The following FAAH2 variants were observed in gnomAD, a reference collection of about 807,000 sequenced individuals.
FAAH2 encodes the protein fatty-acid amide hydrolase 2.
A neutral mutation model predicts 36.9 loss-of-function variants in FAAH2; 60 were observed. The ratio of observed to expected loss-of-function variants is 1.63; its 90% CI spans 1.32 to 2.02. The LOEUF (loss-of-function observed/expected upper bound fraction) is 2.02. Among genes scored for constraint, FAAH2 ranks in the 30% most tolerant of loss-of-function variants. FAAH2 has a pLI of 0.00. For synonymous variants in FAAH2, 214 were observed against 143.8 expected, an observed-to-expected ratio of 1.49 and a Z score of -3.49; for missense variants, 689 against 397.5, an observed-to-expected ratio of 1.73 and a Z score of -6.23.
chrX:57,484,828 C>G (rs760439754), intron 10 of FAAH2, among the ~76,000 whole-genome samples: 5 of 110,913 alleles, frequency 4.5e-5, no homozygotes, highest in African/African-American at 6.6e-5. Flanking sequence ...CTCCAGGCCC[C>G]TAGATGGCCA....
the FAAH2 span, among the ~76,000 whole-genome samples, chrX:57,255,800 C>T: frequency 9.0e-6 from 1 of 111,649 alleles, no homozygotes; most frequent in Non-Finnish European, 1.9e-5. Context: ...CAATATATGA[C>T]AAACCCACAA....
At chrX:57,460,144 A>G (rs1313881597) in intron 10 of FAAH2, among the ~76,000 whole-genome samples, 1 of 111,971 alleles carries the variant, frequency 8.9e-6, no homozygotes, top group African/African-American at 3.3e-5. Flanking sequence ...GCCTTCAAGA[A>G]ATATGGGACT....
chrX:57,305,220 T>C (rs774861522), intron 2 of FAAH2, among the ~76,000 whole-genome samples: 7 of 110,816 alleles, frequency 6.3e-5, no homozygotes, highest in Non-Finnish European at 1.3e-4. Flanking sequence ...TTCCCATATA[T>C]GTATATCTAC....
rs145457864 is a variant in FAAH2 at position 57,295,448 on chromosome X, C to T, written c.275+2868C>T. On this transcript the variant is annotated intron_variant, in intron 2 of 10. Transcript: ENST00000374900. ...CAAAGGAAAGTTTAGTTTTCTGAGT[C>T]CCATCAGAAAGTGGCATATAGAGGG... Among the ~76,000 whole-genome samples, 466 of 112,060 alleles carry T rather than the reference C, an allele frequency of 4.2e-3. 3 individuals carry two copies. The highest frequency in any genetic ancestry group is 0.014 in the African/African-American group (447 of 30,893).
the FAAH2 span, among the ~76,000 whole-genome samples, chrX:57,259,389 G>T: frequency 9.0e-6 from 1 of 111,472 alleles, no homozygotes; most frequent in African/African-American, 3.3e-5. Context: ...AAGAAAATGG[G>T]GTGTTTGTAT....
intron 8 of FAAH2, among the ~76,000 whole-genome samples, chrX:57,432,932 C>T (rs2056334777): frequency 9.3e-6 from 1 of 107,728 alleles, no homozygotes; most frequent in Admixed American, 9.9e-5. Flanking sequence ...TACAATAGCC[C>T]TTCCATAAGG....
chrX:57,442,642 T>C (rs1197297863), intron 8 of FAAH2, among the ~76,000 whole-genome samples: 1 of 112,140 alleles, frequency 8.9e-6, no homozygotes, highest in Non-Finnish European at 1.9e-5. Context: ...GTCAATTTGA[T>C]TCTGTCATTA....
At chrX:57,433,270 G>A (rs898874149) in intron 8 of FAAH2, among the ~76,000 whole-genome samples, 2 of 111,022 alleles carry the variant, frequency 1.8e-5, no homozygotes, top group African/African-American at 6.5e-5. Context: ...AAAAGAGGGG[G>A]GAAAAATCTG....
chrX:57,159,428 G>A, the FAAH2 span, among the ~76,000 whole-genome samples: 2 of 111,296 alleles, frequency 1.8e-5, no homozygotes, highest in South Asian at 7.7e-4. Flanking sequence ...AATTACCTTG[G>A]GCATTATGGC....
chrX:57,461,555 G>A (rs1234009188), intron 10 of FAAH2, among the ~76,000 whole-genome samples: 1 of 110,989 alleles, frequency 9.0e-6, no homozygotes, highest in Non-Finnish European at 1.9e-5. Flanking sequence ...ATGACTACTG[G>A]GTAAATAACA....
chrX:57,339,414 G>A (rs1418832325), intron 4 of FAAH2, among the ~76,000 whole-genome samples: 3 of 111,980 alleles, frequency 2.7e-5, no homozygotes, highest in African/African-American at 9.7e-5. Flanking sequence ...ATTGACCAAT[G>A]GAATCTAGTT....
the FAAH2 span, among the ~76,000 whole-genome samples, chrX:57,259,296 G>A: frequency 2.1e-4 from 23 of 111,698 alleles, no homozygotes; most frequent in African/African-American, 5.8e-4. Flanking sequence ...AGAGATATAG[G>A]CATTCCCATG....
Position 57,448,700 on chromosome X carries a change from T to C in FAAH2, c.1405T>C (p.Phe469Leu), listed in dbSNP as rs201612478. 2 of 1,208,689 alleles carry C rather than the reference T, an allele frequency of 1.7e-6. No homozygotes were observed. Among genetic ancestry groups the C allele is most frequent in the Non-Finnish European group, 2.2e-6 (2 of 893,507 alleles). ...PKHHVPLTRP[F>L]NFAYTGVFSA... ...GCATCATGTCCCTCTAACACGGCCT[T>C]TCAACTTTGCTTACACAGGTACCTA... The change falls in exon 10 of 11, where the codon TTC (phenylalanine) becomes CTC (leucine). Residue 469 changes from phenylalanine to leucine, a missense_variant. By Grantham distance (22) the Phe-to-Leu change is conservative. Coordinates refer to ENST00000374900, the MANE Select transcript of FAAH2 (RefSeq NM_174912.4).
At chrX:57,175,588 A>T in the FAAH2 span, among the ~76,000 whole-genome samples, 1 of 111,657 alleles carries the variant, frequency 9.0e-6, no homozygotes. Flanking sequence ...TTGAGATGTG[A>T]GGTACTATTC....
the FAAH2 span, among the ~76,000 whole-genome samples, chrX:57,279,435 C>T: frequency 5.4e-5 from 6 of 111,813 alleles, no homozygotes; most frequent in Admixed American, 2.8e-4. Context: ...GGGAACATCA[C>T]ACACTGGTGC....
intron 10 of FAAH2, among the ~76,000 whole-genome samples, chrX:57,461,660 A>C (rs1294412572): frequency 2.7e-5 from 3 of 111,278 alleles, no homozygotes; most frequent in Non-Finnish European, 5.6e-5. Flanking sequence ...CAGTGTTAAG[A>C]GGGACATTTA....
the FAAH2 span, among the ~76,000 whole-genome samples, chrX:57,260,119 C>T: frequency 1.8e-5 from 2 of 111,374 alleles, no homozygotes; most frequent in Non-Finnish European, 3.8e-5. Flanking sequence ...ACTTTAAAAA[C>T]CCTTCAAAAT....
At chrX:57,386,068 A>G (rs2055016054) in intron 7 of FAAH2, among the ~76,000 whole-genome samples, 1 of 111,893 alleles carries the variant, frequency 8.9e-6, no homozygotes, top group South Asian at 3.7e-4. Context: ...AATGAGGATA[A>G]AAGAAAAGTG....
chrX:57,442,439 T>C (rs1416142060), intron 8 of FAAH2, among the ~76,000 whole-genome samples: 1 of 111,391 alleles, frequency 9.0e-6, no homozygotes, highest in Non-Finnish European at 1.9e-5. Context: ...AACCTCTGCT[T>C]TTTTTTGTTT....
Sources: gnomAD v4.1 joint callset for allele counts (sites outside exome capture counted in the v4.1 genomes callset) on GRCh38, gnomAD v4.1.1 for gene constraint, MANE v1.5 for transcripts, NCBI Gene and HGNC (gene_info 2026-07-23, HGNC 2026-07-21) for gene names.